Variants in PCDHGB4 observed in about 807,000 individuals in gnomAD.
PCDHGB4 encodes the protein protocadherin gamma-B4.
PCDHGB4 carries 38 observed loss-of-function variants against 60.5 expected under a neutral mutation model. The observed-to-expected ratio is 0.63, with a 90% CI of 0.48 to 0.82. The LOEUF (loss-of-function observed/expected upper bound fraction) is 0.82, where lower values mean the gene tolerates loss of function less well. Ranked by LOEUF, PCDHGB4 falls within the 40% of genes least tolerant of loss-of-function variation. The pLI, the probability that PCDHGB4 is intolerant of heterozygous loss-of-function variation, is 0.00. For synonymous variants in PCDHGB4, 456 were observed against 509.7 expected (o/e 0.89, Z 1.42); for missense variants, 1,109 against 1,209.6 (o/e 0.92, Z 1.23).
chr5:141,496,377 G>A (rs1413938730), intron 2 of PCDHGB4, among the ~76,000 whole-genome samples: 1 of 152,114 alleles, frequency 6.6e-6, no homozygotes, highest in Non-Finnish European at 1.5e-5. Flanking sequence ...CAGGAGCTTG[G>A]GCCACCTTAC....
chr5:141,393,858 A>C lies in PCDHGB4; in HGVS notation c.2397+3577A>C, dbSNP rs777304987. 5 of 1,613,912 alleles carry C rather than the reference A, an allele frequency of 3.1e-6. No homozygotes were observed. The South Asian group carries it at 3.3e-5, about 11-fold the overall frequency. Reference sequence around the variant, plus strand: ...AAATGACAATAGACCAGAAGTGATCATTACGTCTTTGTTTAGCCCAGTGTT... The same window carrying C: ...AAATGACAATAGACCAGAAGTGATCCTTACGTCTTTGTTTAGCCCAGTGTT... On this transcript the variant is annotated intron_variant, in intron 1 of 3. Coordinates refer to ENST00000519479, the MANE Select transcript of PCDHGB4 (RefSeq NM_003736.4).
At position 141,474,199 on chromosome 5, in the gene PCDHGB4, G is replaced by C. The variant is rs74540928; in HGVS notation, c.2398-20608G>C. Reference sequence around the variant, plus strand: ...AAAACTACTTACATTTTTAAAAGCTGATTTTCAAAAACCAGATTGTGAATT... The same window carrying C: ...AAAACTACTTACATTTTTAAAAGCTCATTTTCAAAAACCAGATTGTGAATT... On this transcript the variant is annotated intron_variant, in intron 1 of 3. Transcript: ENST00000519479. Among the ~76,000 whole-genome samples, 85 of 152,308 alleles carry C rather than the reference G, an allele frequency of 5.6e-4. 1 individual carries two copies. In the East Asian group the frequency reaches 0.016, roughly 29 times the overall value.
intron 1 of PCDHGB4, among the ~76,000 whole-genome samples, chr5:141,492,559 C>G (rs533830391): frequency 2.0e-5 from 3 of 152,174 alleles, no homozygotes; most frequent in Non-Finnish European, 4.4e-5. Context: ...GCCTGGGGGG[C>G]GGCCTGAGCG....
At position 141,399,280 on chromosome 5, in the gene PCDHGB4, G is replaced by A. The variant is rs750453381; in HGVS notation, c.2397+8999G>A. ...GGAGGTTAATTGTCAATTACAAGGCGAAGTCCCTTTTAAGATTATCTCTTC... is the reference window on the plus strand; with the variant it reads ...GGAGGTTAATTGTCAATTACAAGGCAAAGTCCCTTTTAAGATTATCTCTTC... On this transcript the variant is annotated intron_variant, in intron 1 of 3. Coordinates refer to ENST00000519479, the MANE Select transcript of PCDHGB4 (RefSeq NM_003736.4). 20 of 1,613,836 alleles carry A rather than the reference G, an allele frequency of 1.2e-5. No homozygotes were observed. The highest frequency in any genetic ancestry group is 3.3e-4 in the Middle Eastern group (2 of 6,060).
intron 1 of PCDHGB4, chr5:141,393,684 T>C (rs1399508154): frequency 9.9e-6 from 16 of 1,613,904 alleles, no homozygotes; most frequent in Non-Finnish European, 1.3e-5. Flanking sequence ...ACAAACTCCG[T>C]TATTCCAGCT....
intron 1 of PCDHGB4, among the ~76,000 whole-genome samples, chr5:141,481,039 C>T (rs748434260): frequency 4.6e-5 from 7 of 152,048 alleles, no homozygotes; most frequent in Non-Finnish European, 8.8e-5. Flanking sequence ...GCCTGGGCGA[C>T]AGAGCGAGAC....
intron 1 of PCDHGB4, chr5:141,428,225 A>G (rs775012950): frequency 4.3e-6 from 5 of 1,156,574 alleles, no homozygotes; most frequent in Non-Finnish European, 6.3e-6. Flanking sequence ...GTCTTCGCAG[A>G]CAGCCTGCAG....
intron 1 of PCDHGB4, among the ~76,000 whole-genome samples, chr5:141,488,087 G>A (rs1479773288): frequency 6.6e-6 from 1 of 152,198 alleles, no homozygotes; most frequent in East Asian, 1.9e-4. Flanking sequence ...CTAGTACACT[G>A]TGAAGGGACC....
chr5:141,452,364 A>G (rs1330623001), intron 1 of PCDHGB4, among the ~76,000 whole-genome samples: 1 of 152,188 alleles, frequency 6.6e-6, no homozygotes, highest in African/African-American at 2.4e-5. Flanking sequence ...GCCTTGCTTC[A>G]TTTTAGTAGG....
intron 1 of PCDHGB4, chr5:141,413,350 G>C: frequency 6.2e-7 from 1 of 1,613,974 alleles, no homozygotes; most frequent in South Asian, 1.1e-5. Context: ...CTTGGGTCTG[G>C]CGCCCCGGGA....
intron 1 of PCDHGB4, among the ~76,000 whole-genome samples, chr5:141,438,587 CATACATAT>C (rs1166583123): frequency 1.2e-4 from 9 of 73,430 alleles, no homozygotes; most frequent in Non-Finnish European, 1.6e-4. Flanking sequence ...TACATACATA[CATACATAT>C]ATATATATAT....
In PCDHGB4 at chr5:141,389,708, G is replaced by C. The variant is rs773973967; in HGVS notation, c.1824G>C (p.Gln608His). Residue 608 changes from glutamine to histidine, a missense_variant, in exon 1 of 4, where the codon CAG (glutamine) becomes CAC (histidine). By Grantham distance (24) the Gln-to-His change is conservative. Coordinates refer to ENST00000519479, the MANE Select transcript of PCDHGB4 (RefSeq NM_003736.4). ...CCTGGCTGTCCTACCACGTGCTGCA[G>C]GCTAGCGAGCCCGGGCTCTTCAGCC... ...HNAWLSYHVL[Q>H]ASEPGLFSLG... The C allele has an allele frequency of 4.3e-6, 7 of 1,612,610 alleles. No homozygotes were observed. In the South Asian group the frequency reaches 7.7e-5, roughly 18 times the overall value.
chr5:141,432,887 T>A lies in PCDHGB4; in HGVS notation c.2397+42606T>A, dbSNP rs146168033. On this transcript the variant is annotated intron_variant, in intron 1 of 3. Coordinates refer to ENST00000519479, the MANE Select transcript of PCDHGB4 (RefSeq NM_003736.4). The surrounding 1 kb of genome is among the most constrained non-coding windows in gnomAD (Gnocchi z 6.0). ...CTGCGTCTTCCTGGCCTTCGTCATC[T>A]TGCTGCTGGCGCTCAGGCTGCGGCG... 1.2e-6 allele frequency: 2 copies of A among 1,614,056 alleles called. No homozygotes were observed. Among genetic ancestry groups the A allele is most frequent in the Non-Finnish European group, 1.7e-6 (2 of 1,179,998 alleles).
intron 1 of PCDHGB4, chr5:141,430,744 C>T: frequency 6.7e-7 from 1 of 1,498,404 alleles, no homozygotes; most frequent in Non-Finnish European, 8.9e-7. Flanking sequence ...GAAAATAATT[C>T]TGGAGGAAGA....
At chr5:141,406,259 ATCT>A (rs1419106691) in intron 1 of PCDHGB4, among the ~76,000 whole-genome samples, 1 of 151,904 alleles carries the variant, frequency 6.6e-6, no homozygotes, top group East Asian at 1.9e-4. Flanking sequence ...GTCTCAAACG[ATCT>A]TCCTGCTTCA....
intron 1 of PCDHGB4, chr5:141,421,935 A>G: frequency 6.2e-7 from 1 of 1,613,514 alleles, no homozygotes; most frequent in East Asian, 2.2e-5. Context: ...TCCTCGATGT[A>G]AATGATCACA....
At chr5:141,479,084 G>A (rs749298402) in intron 1 of PCDHGB4, among the ~76,000 whole-genome samples, 19 of 152,016 alleles carry the variant, frequency 1.2e-4, no homozygotes, top group Non-Finnish European at 1.9e-4. Flanking sequence ...GAAATTCCAG[G>A]CATCCTTTAA....
chr5:141,423,766 C>A, intron 1 of PCDHGB4: 1 of 1,110,086 alleles, frequency 9.0e-7, no homozygotes, highest in Non-Finnish European at 1.1e-6. Context: ...GGGGGTGGGG[C>A]GGCATATATT....
chr5:141,388,426 T>C lies in PCDHGB4; in HGVS notation c.542T>C (p.Ile181Thr). ...QLSPSDHFSL[I>T]NKEKSDGSKY... Reference sequence around the variant, plus strand: ...AGTCCCAGTGATCATTTCTCACTGATAAATAAAGAGAAATCAGATGGCAGT... The same window carrying C: ...AGTCCCAGTGATCATTTCTCACTGACAAATAAAGAGAAATCAGATGGCAGT... The change falls in exon 1 of 4, where the codon ATA (isoleucine) becomes ACA (threonine). Residue 181 changes from isoleucine to threonine, a missense_variant. Physicochemically the swap from Ile to Thr is moderately conservative, Grantham distance 89 (BLOSUM62 -1). Transcript: ENST00000519479. The C allele has an allele frequency of 6.2e-7, 1 of 1,613,864 alleles. No homozygotes were observed. The highest frequency in any genetic ancestry group is 8.5e-7 in the Non-Finnish European group (1 of 1,179,852).
Sources: gnomAD v4.1 joint callset for allele counts (sites outside exome capture counted in the v4.1 genomes callset) on GRCh38, gnomAD v4.1.1 for gene constraint, Gnocchi (gnomAD v3.1) non-coding constraint, MANE v1.5 for transcripts, NCBI Gene and HGNC (gene_info 2026-07-23, HGNC 2026-07-21) for gene names.